Variants in NKTR observed in about 807,000 individuals in gnomAD.
NKTR encodes the protein natural killer cell triggering receptor, also known as NK-tumor recognition protein.
In NKTR, 67 loss-of-function variants were observed where a neutral mutation model predicts 156.3. The ratio of observed to expected loss-of-function variants is 0.43; its 90% CI spans 0.35 to 0.53. NKTR has a LOEUF of 0.53. Among genes scored for constraint, NKTR ranks in the 20% least tolerant of loss-of-function variants. The pLI is 0.01. For missense variants in NKTR, 1,604 were observed against 1,730.9 expected, an observed-to-expected ratio of 0.93 and a Z score of 1.30; for synonymous variants, 640 against 596.6, an observed-to-expected ratio of 1.07 and a Z score of -1.06.
intron 6 of NKTR, among the ~76,000 whole-genome samples, chr3:42,622,410 A>G (rs36033201): frequency 0.17 from 26,178 of 151,958 alleles, 2,725 homozygotes; most frequent in African/African-American, 0.29. Flanking sequence ...TTTCATTAAT[A>G]ATTTATTGAA....
chr3:42,635,525 T>A, intron 12 of NKTR, 159 bp downstream of exon 12: 1 of 517,182 alleles, frequency 1.9e-6, no homozygotes, highest in Non-Finnish European at 3.4e-6. Context: ...ATGAAAGTAG[T>A]ACTGTTAACT....
At chr3:42,603,192 C>G (rs1383016196) in intron 2 of NKTR, 2 of 142,146 alleles carry the variant, frequency 1.4e-5, no homozygotes, top group Non-Finnish European at 3.0e-5. Context: ...ATAGCAAGAC[C>G]CTGTCTACAA....
intron 6 of NKTR, chr3:42,627,945 T>G: frequency 3.0e-6 from 3 of 985,332 alleles, no homozygotes; most frequent in Non-Finnish European, 3.6e-6. Context: ...TCTGCCTCTT[T>G]TAGTAGAATT....
Position 42,633,574 on chromosome 3 carries a change from T to C in NKTR, c.774-6T>C. 6.2e-7 allele frequency: 1 copy of C among 1,612,726 alleles called. No individual in the cohort carries two copies. ...CATTTTAATCAGTGACTTGGTTTGT[T>C]CTAAGTCACTCTGAGAGGAGTGATA... On this transcript the variant is annotated splice_polypyrimidine_tract_variant and splice_region_variant and intron_variant, in intron 9 of 16. Transcript: ENST00000232978.
At chr3:42,607,967 CTCTTTTTTTTTTTTTTTTTTTTTTTT>C (rs1214853468) in intron 2 of NKTR, among the ~76,000 whole-genome samples, 196 of 76,756 alleles carry the variant, frequency 2.6e-3, no homozygotes, top group African/African-American at 7.5e-3. Context: ...TCCTGAGTCG[CTCTTTTTTTTTTTTTTTTTTTTTTTT>C]TTTTTTTTTT....
intron 12 of NKTR, 145 bp downstream of exon 12, chr3:42,635,511 C>T: frequency 1.6e-6 from 1 of 617,734 alleles, no homozygotes; most frequent in Non-Finnish European, 2.7e-6. Context: ...TTTGGGACTA[C>T]TTGATGAAAG....
In NKTR at chr3:42,630,698, G is replaced by A; in HGVS notation, c.404+123G>A. Reference sequence around the variant, plus strand: ...TGTCTGGCTTAATCTCATAGCAAAAGCTATTCCTTAGGATCACAGAATATA... The same window carrying A: ...TGTCTGGCTTAATCTCATAGCAAAAACTATTCCTTAGGATCACAGAATATA... On this transcript the variant is annotated intron_variant, in intron 7 of 16. Coordinates refer to ENST00000232978, the MANE Select transcript of NKTR (RefSeq NM_005385.4). 7 of 1,505,076 alleles carry A rather than the reference G, an allele frequency of 4.7e-6. No individual in the cohort carries two copies. In the Admixed American group the frequency reaches 8.7e-5, roughly 19 times the overall value. 93.2% of individuals were successfully genotyped at this position (1,505,076 alleles called of 1,614,324 possible). A position where few individuals can be genotyped will look rare whatever the true frequency, so the allele number is the denominator to read the frequency against.
intron 2 of NKTR, among the ~76,000 whole-genome samples, chr3:42,608,957 C>G (rs1344462298): frequency 3.9e-5 from 6 of 151,964 alleles, no homozygotes. Flanking sequence ...GAAACCCTGA[C>G]CACTAAAAAG....
chr3:42,625,597 A>C (rs938868346), intron 6 of NKTR, among the ~76,000 whole-genome samples: 3 of 152,172 alleles, frequency 2.0e-5, no homozygotes, highest in Non-Finnish European at 4.4e-5. Flanking sequence ...TTTGGGTAAT[A>C]AAACTAGATT....
At chr3:42,643,251 T>G (rs1710049041) in intron 14 of NKTR, 88 bp from the exon 15 acceptor site, 1 of 1,038,806 alleles carries the variant, frequency 9.6e-7, no homozygotes, top group Non-Finnish European at 1.5e-6. Context: ...TATTTTCACC[T>G]TGATGGGCAA....
intron 3 of NKTR, among the ~76,000 whole-genome samples, chr3:42,618,211 C>T (rs756344108): frequency 8.6e-5 from 13 of 151,470 alleles, no homozygotes; most frequent in Middle Eastern, 6.9e-3. Context: ...ATTAGCCGGG[C>T]GTAGTGGCAG....
intron 5 of NKTR, chr3:42,620,051 A>G: frequency 1.1e-5 from 17 of 1,534,550 alleles, no homozygotes; most frequent in Non-Finnish European, 1.5e-5. Flanking sequence ...AAGGTAAGAG[A>G]ACGAAGCTCA....
At chr3:42,602,162 T>C (rs1254793476) in intron 2 of NKTR, 4 of 152,206 alleles carry the variant, frequency 2.6e-5, no homozygotes, top group Non-Finnish European at 4.4e-5. Flanking sequence ...AATGGTCTTA[T>C]ATATAATACC....
At position 42,636,972 on chromosome 3, in the gene NKTR, A is replaced by G. The variant is rs753467527; in HGVS notation, c.1268A>G (p.His423Arg). ...GYYSDLSTAR[H>R]SGHHKKRRKE... The stretch of plus-strand genomic sequence containing the variant: ...TATTCAGACCTTAGTACAGCAAGAC[A>G]CTCTGGCCACCATAAAAAACGCAGA... Residue 423 changes from histidine (H) to arginine (R), a missense_variant, in exon 13 of 17, where the codon CAC becomes CGC. Transcript: ENST00000232978. 1.2e-6 allele frequency: 2 copies of G among 1,612,702 alleles called. No individual in the cohort carries two copies. The highest frequency in any genetic ancestry group is 2.2e-5 in the East Asian group (1 of 44,862).
chr3:42,610,247 G>C (rs1052866529), intron 2 of NKTR, among the ~76,000 whole-genome samples: 6 of 151,956 alleles, frequency 3.9e-5, no homozygotes, highest in Non-Finnish European at 8.8e-5. Flanking sequence ...CAGGTGATCC[G>C]CGCCCCCCAC....
chr3:42,603,321 C>T (rs1223020757), intron 2 of NKTR, among the ~76,000 whole-genome samples: 1 of 144,564 alleles, frequency 6.9e-6, no homozygotes, highest in Non-Finnish European at 1.5e-5. Context: ...GATTGCACCA[C>T]TGCACTCCAG....
intron 2 of NKTR, among the ~76,000 whole-genome samples, chr3:42,606,242 C>G (rs1387111102): frequency 6.6e-6 from 1 of 151,154 alleles, no homozygotes; most frequent in African/African-American, 2.4e-5. Flanking sequence ...CTGGAAACTC[C>G]CTTGTCCCCC....
intron 2 of NKTR, among the ~76,000 whole-genome samples, chr3:42,610,204 A>G (rs1454929858): frequency 6.6e-6 from 1 of 152,070 alleles, no homozygotes; most frequent in Non-Finnish European, 1.5e-5. Context: ...GGGTTTCTCC[A>G]TGTTGGTCAG....
At chr3:42,605,146 T>C (rs1577414476) in intron 2 of NKTR, among the ~76,000 whole-genome samples, 2 of 152,222 alleles carry the variant, frequency 1.3e-5, no homozygotes, top group East Asian at 3.9e-4. Flanking sequence ...CTCTGAAGTT[T>C]CCTTTGCCTC....
Sources: allele counts gnomAD v4.1 joint callset (sites outside exome capture counted in the v4.1 genomes callset), GRCh38; gene constraint gnomAD v4.1.1; transcripts MANE v1.5; gene names NCBI Gene and HGNC (gene_info 2026-07-23, HGNC 2026-07-21).